Variants in ELMO1 observed in about 807,000 individuals in gnomAD.
ELMO1 encodes engulfment and cell motility 1.
A neutral mutation model predicts 98.9 loss-of-function variants in ELMO1; 26 were observed. The observed-to-expected ratio is 0.26, with a 90% confidence interval of 0.19 to 0.36. The LOEUF (loss-of-function observed/expected upper bound fraction) is 0.36, where lower values mean the gene tolerates loss of function less well. Among genes scored for constraint, ELMO1 ranks in the 10% least tolerant of loss-of-function variants. The pLI is 1.00. For missense variants in ELMO1, 627 were observed against 935.2 expected (o/e 0.67, Z 4.30); for synonymous variants, 346 against 346.0 (o/e 1.00, Z 0.00).
intron 15 of ELMO1, among the ~76,000 whole-genome samples, chr7:37,063,765 C>T (rs535925734): frequency 1.2e-4 from 18 of 152,246 alleles, no homozygotes; most frequent in African/African-American, 3.6e-4. Context: ...AGAAAACGCA[C>T]GTTCACCAGA....
intron 16 of ELMO1, 90 bp downstream of exon 16, chr7:37,013,209 C>A: frequency 6.7e-7 from 1 of 1,494,902 alleles, no homozygotes; most frequent in Non-Finnish European, 9.0e-7. Context: ...CCCACCTTGC[C>A]AATTGCCTTC....
intron 1 of ELMO1, among the ~76,000 whole-genome samples, chr7:37,446,686 G>C (rs1805632461): frequency 6.6e-6 from 1 of 152,142 alleles, no homozygotes. Flanking sequence ...AGTTTCCCCA[G>C]ACTCCCATCC....
At chr7:37,298,363 T>C (rs7794468) in intron 4 of ELMO1, among the ~76,000 whole-genome samples, 49,907 of 144,842 alleles carry the variant, frequency 0.34, 9,712 homozygotes, top group Middle Eastern at 0.53. Context: ...GCAGGTTAGT[T>C]ACATATGTAT....
chr7:37,167,043 T>A (rs1381784226), intron 13 of ELMO1, among the ~76,000 whole-genome samples: 1 of 152,142 alleles, frequency 6.6e-6, no homozygotes, highest in East Asian at 1.9e-4. Context: ...GCATATATAT[T>A]TAGGATAGTT....
rs139113620 is a variant in ELMO1, at chr7:37,271,941, A to T, written c.193-59T>A. On this transcript the variant is annotated intron_variant, in intron 4 of 21. Coordinates refer to ENST00000310758, the MANE Select transcript of ELMO1 (RefSeq NM_014800.11). ...AAGTAGAAGCTTGGTAAAGAAGAGA[A>T]CAAAGGCAAATATAATCTAGCAGAT... 8.2e-6 allele frequency: 12 copies of T among 1,457,072 alleles called. No individual in the cohort carries two copies. In the African/African-American group the frequency reaches 1.5e-4, roughly 19 times the overall value. 90.3% of individuals were successfully genotyped at this position (1,457,072 alleles called of 1,614,324 possible). A position where few individuals can be genotyped will look rare whatever the true frequency, so the allele number is the denominator to read the frequency against.
intron 6 of ELMO1, among the ~76,000 whole-genome samples, chr7:37,258,451 AAGAGAG>A (rs72415632): frequency 6.6e-6 from 1 of 150,920 alleles, no homozygotes; most frequent in African/African-American, 2.4e-5. Context: ...AAAAAAAAAT[AAGAGAG>A]AGAGAGAGAG....
At chr7:37,324,334 C>T (rs1253357369) in intron 2 of ELMO1, among the ~76,000 whole-genome samples, 1 of 152,162 alleles carries the variant, frequency 6.6e-6, no homozygotes, top group Non-Finnish European at 1.5e-5. Context: ...CACTATGGAG[C>T]ATGGGCTGCC....
At chr7:37,231,938 T>C (rs1012834136) in intron 8 of ELMO1, among the ~76,000 whole-genome samples, 2 of 152,102 alleles carry the variant, frequency 1.3e-5, no homozygotes, top group Non-Finnish European at 1.5e-5. Flanking sequence ...CTGCAACCTC[T>C]GCCTCCCAGG....
intron 1 of ELMO1, among the ~76,000 whole-genome samples, chr7:37,443,969 A>T (rs1272018684): frequency 6.6e-6 from 1 of 152,170 alleles, no homozygotes; most frequent in East Asian, 1.9e-4. Flanking sequence ...CCGTGGTGAG[A>T]TCACAGCTCA....
Position 36,854,582 on chromosome 7 carries a change from A to G in ELMO1, c.*969T>C, listed in dbSNP as rs1802064622. The G allele has an allele frequency of 6.6e-6, 1 of 152,508 alleles. No individual in the cohort carries two copies. The highest frequency in any genetic ancestry group is 6.5e-5 in the Admixed American group (1 of 15,278). 9.4% of individuals were successfully genotyped at this position (152,508 alleles called of 1,614,324 possible). A position where few individuals can be genotyped will look rare whatever the true frequency, so the allele number is the denominator to read the frequency against. On this transcript the variant is annotated 3_prime_UTR_variant, in exon 22 of 22. Coordinates refer to ENST00000310758, the MANE Select transcript of ELMO1 (RefSeq NM_014800.11). ...TAACCCAAAACTCTTGCAAATTGTA[A>G]ATACCAGTAATAATTACAATGATGT...
intron 16 of ELMO1, chr7:36,986,116 G>A (rs1791488382): frequency 1.0e-6 from 1 of 989,150 alleles, no homozygotes; most frequent in African/African-American, 1.7e-5. Context: ...ACCTTTAAAT[G>A]GTATACACTC....
At chr7:37,064,579 C>A (rs1011993141) in intron 15 of ELMO1, among the ~76,000 whole-genome samples, 2 of 152,208 alleles carry the variant, frequency 1.3e-5, no homozygotes, top group Admixed American at 6.5e-5. Flanking sequence ...GCAAAGCCTG[C>A]AGAACAGTGT....
intron 15 of ELMO1, among the ~76,000 whole-genome samples, chr7:37,063,727 C>T (rs765677859): frequency 2.0e-5 from 3 of 152,152 alleles, no homozygotes; most frequent in East Asian, 3.9e-4. Context: ...TATCTCCCTC[C>T]GCAGTCACCC....
chr7:37,019,160 T>C (rs73117569), intron 15 of ELMO1, among the ~76,000 whole-genome samples: 19,354 of 152,150 alleles, frequency 0.13, 1,354 homozygotes, highest in Middle Eastern at 0.22. Context: ...GATGAGAAAA[T>C]TGAGGAACTG....
intron 13 of ELMO1, among the ~76,000 whole-genome samples, chr7:37,155,070 T>C (rs1446279108): frequency 2.0e-5 from 3 of 152,122 alleles, no homozygotes; most frequent in Non-Finnish European, 4.4e-5. Context: ...GCTTCATAAG[T>C]GAAGGAGAAA....
intron 1 of ELMO1, among the ~76,000 whole-genome samples, chr7:37,360,164 G>T (rs1801647144): frequency 6.6e-6 from 1 of 152,168 alleles, no homozygotes; most frequent in Non-Finnish European, 1.5e-5. Flanking sequence ...AAAGAACAGA[G>T]AGATTCTTTT....
chr7:37,433,159 C>G (rs1614380), intron 1 of ELMO1, among the ~76,000 whole-genome samples: 151,487 of 152,314 alleles, frequency 0.99, 75,341 homozygotes, highest in Middle Eastern at 1. Flanking sequence ...TCCCTAAATA[C>G]AATATCCCCA....
intron 10 of ELMO1, among the ~76,000 whole-genome samples, chr7:37,222,096 C>G (rs73108971): frequency 2.6e-5 from 4 of 152,174 alleles, no homozygotes; most frequent in African/African-American, 9.6e-5. Context: ...CTCTGACATA[C>G]GAATGCAGTT....
chr7:37,105,963 C>A (rs1784923748), intron 14 of ELMO1, among the ~76,000 whole-genome samples: 2 of 152,114 alleles, frequency 1.3e-5, no homozygotes, highest in African/African-American at 4.8e-5. Context: ...AGTGATTGCA[C>A]AACACTGTGA....
Sources: allele counts gnomAD v4.1 joint callset (sites outside exome capture counted in the v4.1 genomes callset), GRCh38; gene constraint gnomAD v4.1.1; transcripts MANE v1.5; gene names NCBI Gene and HGNC (gene_info 2026-07-23, HGNC 2026-07-21).